The following SHANK2 variants were observed in gnomAD, a reference collection of about 807,000 sequenced individuals.
SHANK2 encodes SH3 and multiple ankyrin repeat domains 2.
A neutral mutation model predicts 133.7 loss-of-function variants in SHANK2; 43 were observed. The observed-to-expected ratio is 0.32, with a 90% CI of 0.25 to 0.41. The LOEUF (loss-of-function observed/expected upper bound fraction) is 0.41. Ranked by LOEUF, SHANK2 falls within the 10% of genes least tolerant of loss-of-function variation. SHANK2 has a pLI of 1.00. For synonymous variants in SHANK2, 1,017 were observed against 952.8 expected (o/e 1.07, Z -1.24); for missense variants, 1,994 against 2,235.8 (o/e 0.89, Z 2.18).
rs1399903000 is a variant in SHANK2, at chr11:70,824,444, T to C, written c.1175-3762A>G. On this transcript the variant is annotated intron_variant, in intron 11 of 25. Transcript: ENST00000601538. ...GCAGCCGGGGCTCCTCAGCCAGCAC[T>C]TTCATCCCACTCCTAATTTCTCAAA... is the stretch of plus-strand genomic sequence containing the variant. Among the ~76,000 whole-genome samples the C allele has an allele frequency of 3.9e-5, 6 of 152,228 alleles. No homozygotes were observed. In the South Asian group the frequency reaches 1.0e-3, roughly 26 times the overall value.
At chr11:70,749,480 C>T (rs918604037) in intron 14 of SHANK2, among the ~76,000 whole-genome samples, 3 of 152,174 alleles carry the variant, frequency 2.0e-5, no homozygotes, top group African/African-American at 4.8e-5. Context: ...ACAATCTACA[C>T]AACATAATAC....
chr11:71,125,676 CAGA>C (rs1952168641), intron 3 of SHANK2, among the ~76,000 whole-genome samples: 1 of 152,188 alleles, frequency 6.6e-6, no homozygotes, highest in South Asian at 2.1e-4. Context: ...GCAAGTTCTC[CAGA>C]AGATCTCGCT....
chr11:70,574,714 G>C (rs10751250), intron 17 of SHANK2, among the ~76,000 whole-genome samples: 77,263 of 151,904 alleles, frequency 0.51, 20,258 homozygotes, highest in East Asian at 0.75. Flanking sequence ...CTGGGGACCA[G>C]GCCGTTCTGC....
intron 14 of SHANK2, among the ~76,000 whole-genome samples, chr11:70,769,716 CGT>C (rs1157752623): frequency 1.3e-5 from 2 of 149,434 alleles, no homozygotes; most frequent in Non-Finnish European, 3.0e-5. Flanking sequence ...CACACATGTG[CGT>C]GTGTTCTATG....
At chr11:70,562,157 T>A (rs10899167) in intron 17 of SHANK2, among the ~76,000 whole-genome samples, 113,023 of 152,188 alleles carry the variant, frequency 0.74, 42,187 homozygotes, top group East Asian at 0.89. Context: ...TGGTTAGAGC[T>A]CACATCTGTA....
chr11:70,612,412 G>T (rs2060671810), intron 17 of SHANK2, among the ~76,000 whole-genome samples: 1 of 152,164 alleles, frequency 6.6e-6, no homozygotes, highest in Admixed American at 6.5e-5. Context: ...AGGCATGAAA[G>T]GTTGGGTTTC....
At chr11:71,121,809 A>G (rs1439106625) in intron 3 of SHANK2, among the ~76,000 whole-genome samples, 9 of 152,234 alleles carry the variant, frequency 5.9e-5, no homozygotes, top group Non-Finnish European at 1.2e-4. Context: ...GAAAAAATCA[A>G]ACAACCCCAT....
At chr11:70,926,317 G>A (rs1454193735) in intron 10 of SHANK2, among the ~76,000 whole-genome samples, 1 of 152,138 alleles carries the variant, frequency 6.6e-6, no homozygotes, top group Non-Finnish European at 1.5e-5. Context: ...AGGCTGAGGC[G>A]GGAGGATCAC....
chr11:71,079,692 G>A (rs952692551), intron 8 of SHANK2, among the ~76,000 whole-genome samples: 51 of 151,112 alleles, frequency 3.4e-4, no homozygotes, highest in African/African-American at 1.1e-3. Flanking sequence ...CCCGGGAGGC[G>A]GAGCTTGCAG....
chr11:71,085,499 T>C (rs1363196019), intron 8 of SHANK2, among the ~76,000 whole-genome samples: 11 of 112,720 alleles, frequency 9.8e-5, no homozygotes, highest in Non-Finnish European at 1.3e-4. Flanking sequence ...TAATATATAA[T>C]ATATATGTTA....
intron 17 of SHANK2, among the ~76,000 whole-genome samples, chr11:70,658,208 A>AACACACACACACACAC (rs782131753): frequency 2.1e-5 from 2 of 97,502 alleles, no homozygotes; most frequent in Non-Finnish European, 4.2e-5. Context: ...ACGCCCCCCC[A>AACACACACACACACAC]ACACACACAC....
chr11:70,723,436 A>G (rs1946111187), intron 14 of SHANK2, among the ~76,000 whole-genome samples: 1 of 152,066 alleles, frequency 6.6e-6, no homozygotes, highest in Admixed American at 6.6e-5. Flanking sequence ...CCAGCAATGA[A>G]GCCCTTACTG....
At chr11:70,724,484 G>A (rs1946138069) in intron 14 of SHANK2, among the ~76,000 whole-genome samples, 1 of 152,234 alleles carries the variant, frequency 6.6e-6, no homozygotes, top group African/African-American at 2.4e-5. Context: ...AGGACTCCAT[G>A]TCACTAAGCA....
intron 3 of SHANK2, among the ~76,000 whole-genome samples, chr11:71,130,664 A>T (rs138511436): frequency 9.8e-5 from 15 of 152,302 alleles, no homozygotes; most frequent in Non-Finnish European, 1.9e-4. Context: ...CCTCTACGGC[A>T]TCTGCTAACT....
chr11:71,082,145 C>T (rs987201987), intron 8 of SHANK2, among the ~76,000 whole-genome samples: 13 of 152,252 alleles, frequency 8.5e-5, no homozygotes, highest in African/African-American at 3.1e-4. Flanking sequence ...GGTTCCAACA[C>T]TGCTCCCACG....
intron 25 of SHANK2, among the ~76,000 whole-genome samples, chr11:70,477,853 T>C (rs1555150533): frequency 6.6e-6 from 1 of 152,172 alleles, no homozygotes; most frequent in East Asian, 1.9e-4. Flanking sequence ...TTAATCACAT[T>C]GATGATATTC....
At chr11:71,182,133 C>T (rs1953571575) in intron 2 of SHANK2, among the ~76,000 whole-genome samples, 1 of 151,574 alleles carries the variant, frequency 6.6e-6, no homozygotes, top group African/African-American at 2.4e-5. Flanking sequence ...AAGGCAGCAT[C>T]TTCTTTAGGC....
intron 3 of SHANK2, among the ~76,000 whole-genome samples, chr11:71,132,146 C>G (rs1307096959): frequency 6.6e-6 from 1 of 152,182 alleles, no homozygotes; most frequent in African/African-American, 2.4e-5. Context: ...TGTGGGAGGC[C>G]TTGTCCGCCC....
intron 10 of SHANK2, chr11:70,951,072 A>G (rs1233353999): frequency 1.3e-5 from 4 of 304,854 alleles, no homozygotes; most frequent in South Asian, 2.9e-5. Context: ...CATTTCAAAG[A>G]AGTAGAGAGG....
Sources: allele counts gnomAD v4.1 joint callset (sites outside exome capture counted in the v4.1 genomes callset), GRCh38; gene constraint gnomAD v4.1.1; transcripts MANE v1.5; gene names NCBI Gene and HGNC (gene_info 2026-07-23, HGNC 2026-07-21).